Variants in NCAPH observed in about 807,000 individuals in gnomAD.
NCAPH encodes the protein non-SMC condensin I complex subunit H, also known as condensin complex subunit 2.
In NCAPH, 38 loss-of-function variants were observed where a neutral mutation model predicts 85.5. That is an observed-to-expected ratio of 0.44 (90% CI 0.34 to 0.58). NCAPH has a LOEUF of 0.58. Among genes scored for constraint, NCAPH ranks in the 20% least tolerant of loss-of-function variants. The pLI, the probability that NCAPH is intolerant of heterozygous loss-of-function variation, is 0.01. For missense variants in NCAPH, 789 were observed against 916.6 expected, an observed-to-expected ratio of 0.86 and a Z score of 1.80; for synonymous variants, 301 against 335.1, an observed-to-expected ratio of 0.90 and a Z score of 1.11.
At chr2:96,342,602 G>C (rs2064311184) in intron 3 of NCAPH, among the ~76,000 whole-genome samples, 154 bp from the exon 4 acceptor site, 1 of 152,222 alleles carries the variant, frequency 6.6e-6, no homozygotes, top group African/African-American at 2.4e-5. Context: ...TGCCTGTGAG[G>C]ATTTGGCTCT....
In NCAPH at chr2:96,354,275, C is replaced by T. The variant is rs201625728; in HGVS notation, c.1095C>T (p.Pro365=). The change falls in exon 9 of 18, where the codon CCC becomes CCT. Residue 365 remains proline, a synonymous_variant. Transcript: ENST00000240423. ...EVDESDCGDF[P]DGSLGDDFDA... ...ACGAGAGTGACTGTGGAGACTTCCC[C>T]GATGGGTCCCTGGGGGATGACTTTG... 1.8e-5 allele frequency: 29 copies of T among 1,614,046 alleles called. No homozygotes were observed. Among genetic ancestry groups the T allele is most frequent in the Admixed American group, 8.3e-5 (5 of 59,992 alleles).
At position 96,343,270 on chromosome 2, in the gene NCAPH, A is replaced by T. The variant is rs753610650; in HGVS notation, c.561A>T (p.Ala187=). 4.2e-5 allele frequency: 67 copies of T among 1,613,282 alleles called. No individual in the cohort carries two copies. Among genetic ancestry groups the T allele is most frequent in the Non-Finnish European group, 5.5e-5 (65 of 1,179,596 alleles). The change falls in exon 5 of 18, where the codon GCA becomes GCT. Residue 187 remains alanine, a synonymous_variant. Coordinates refer to ENST00000240423, the MANE Select transcript of NCAPH (RefSeq NM_015341.5). ...YRVLGGLGKD[A]PSLEEVEGHV... ...TCCTTGGGGGGCTGGGCAAAGATGC[A>T]CCGTCTTTGGAAGAAGTAGAAGGCC...
chr2:96,375,201 C>G lies in NCAPH; in HGVS notation c.*1850C>G, dbSNP rs1402305864. On this transcript the variant is annotated 3_prime_UTR_variant, in exon 18 of 18. Transcript: ENST00000240423. The stretch of plus-strand genomic sequence containing the variant: ...CCAGCCAGGACAACAGAGTGAGATC[C>G]TATCTCTTAAACAAAAAAAAAAACT... Among the ~76,000 whole-genome samples the G allele has an allele frequency of 6.6e-6, 1 of 151,566 alleles. No individual in the cohort carries two copies. The highest frequency in any genetic ancestry group is 1.9e-4 in the East Asian group (1 of 5,182).
At chr2:96,347,002 T>C (rs2064370746) in intron 6 of NCAPH, among the ~76,000 whole-genome samples, 1 of 152,114 alleles carries the variant, frequency 6.6e-6, no homozygotes, top group African/African-American at 2.4e-5. Context: ...CATAAACTAA[T>C]ACTAAGATCT....
chr2:96,336,264 T>G (rs532242179), intron 1 of NCAPH, among the ~76,000 whole-genome samples: 1 of 152,338 alleles, frequency 6.6e-6, no homozygotes, highest in Admixed American at 6.5e-5. Context: ...TGCATTTATT[T>G]TTGCATCTAT....
rs186187880 is a variant in NCAPH at position 96,345,369 on chromosome 2, G to A, written c.720+1140G>A. On this transcript the variant is annotated intron_variant, in intron 6 of 17. Coordinates refer to ENST00000240423, the MANE Select transcript of NCAPH (RefSeq NM_015341.5). ...GTGCCCAGGACCCAGACCCTGGAAC[G>A]GGGGCATGCTGGCTGGTGCTGGTGT... Among the ~76,000 whole-genome samples the A allele has an allele frequency of 2.3e-3, 357 of 152,298 alleles. 3 individuals carry two copies. The highest frequency in any genetic ancestry group is 7.8e-3 in the African/African-American group (325 of 41,542).
chr2:96,340,026 G>A (rs907479786), intron 1 of NCAPH, among the ~76,000 whole-genome samples: 21 of 152,070 alleles, frequency 1.4e-4, no homozygotes, highest in African/African-American at 3.9e-4. Flanking sequence ...GGGTTCAAGC[G>A]ATTTTCCTGC....
intron 9 of NCAPH, 64 bp downstream of exon 9, chr2:96,354,452 CT>C (rs1183614800): frequency 4.6e-5 from 59 of 1,293,992 alleles, no homozygotes; most frequent in Non-Finnish European, 5.8e-5. Flanking sequence ...TTTTCTTTTT[CT>C]TTTTTTTCTA....
intron 1 of NCAPH, among the ~76,000 whole-genome samples, chr2:96,340,383 CTTTTTTTTTTTT>C (rs908160989): frequency 1.1e-5 from 1 of 91,240 alleles, no homozygotes; most frequent in African/African-American, 4.2e-5. Flanking sequence ...TAATAAGCAT[CTTTTTTTTTTTT>C]TTTTTTTTTT....
Position 96,361,796 on chromosome 2 carries a change from A to G in NCAPH, c.1587+1086A>G, listed in dbSNP as rs1202954771. Among the ~76,000 whole-genome samples the G allele has an allele frequency of 7.9e-5, 9 of 113,624 alleles. No individual in the cohort carries two copies. The East Asian group carries it at 1.3e-3, about 16-fold the overall frequency. 74.5% of individuals were successfully genotyped at this position (113,624 alleles called of 152,430 possible). A position where few individuals can be genotyped will look rare whatever the true frequency, so the allele number is the denominator to read the frequency against. ...TATATATATATACACATATATATGT[A>G]TATATATGTGTATATATATATATAT... On this transcript the variant is annotated intron_variant, in intron 12 of 17. Coordinates refer to ENST00000240423, the MANE Select transcript of NCAPH (RefSeq NM_015341.5).
chr2:96,372,595 C>T (rs796971854), intron 17 of NCAPH, among the ~76,000 whole-genome samples: 56 of 152,270 alleles, frequency 3.7e-4, no homozygotes, highest in African/African-American at 1.3e-3. Flanking sequence ...CATCCTGCCC[C>T]GGATCTGAAC....
intron 12 of NCAPH, among the ~76,000 whole-genome samples, chr2:96,362,040 G>A (rs1317970951): frequency 6.6e-6 from 1 of 151,036 alleles, no homozygotes; most frequent in Admixed American, 6.6e-5. Flanking sequence ...CGTTACACCT[G>A]GCCTCACATT....
chr2:96,356,393 G>A (rs1392997305), intron 9 of NCAPH, among the ~76,000 whole-genome samples: 1 of 152,144 alleles, frequency 6.6e-6, no homozygotes, highest in Non-Finnish European at 1.5e-5. Context: ...AAAATGCAAG[G>A]TTGGGACCAG....
intron 9 of NCAPH, among the ~76,000 whole-genome samples, chr2:96,356,767 C>T (rs1394196779): frequency 6.6e-6 from 1 of 152,164 alleles, no homozygotes; most frequent in Non-Finnish European, 1.5e-5. Context: ...CTGAAAACCA[C>T]TGTACTCTAC....
intron 12 of NCAPH, among the ~76,000 whole-genome samples, chr2:96,362,920 A>G (rs2064646516): frequency 6.6e-6 from 1 of 152,254 alleles, no homozygotes; most frequent in Non-Finnish European, 1.5e-5. Flanking sequence ...GTGTTTGAAA[A>G]GATTGACTTT....
intron 9 of NCAPH, among the ~76,000 whole-genome samples, chr2:96,354,836 G>A (rs1005710983): frequency 2.6e-5 from 4 of 152,184 alleles, no homozygotes; most frequent in South Asian, 2.1e-4. Context: ...AATGTAAAGC[G>A]TTTGGAACAA....
Position 96,369,517 on chromosome 2 carries a change from A to G in NCAPH, c.2166+17A>G, listed in dbSNP as rs1194063831. The G allele has an allele frequency of 3.1e-6, 5 of 1,605,702 alleles. No homozygotes were observed. ...AATGAAAAGGTAGGTAATTAAGGTA[A>G]GCATGGGAGTATTAGAGTATTCCCT... is the stretch of plus-strand genomic sequence containing the variant. On this transcript the variant is annotated intron_variant, in intron 17 of 17. Coordinates refer to ENST00000240423, the MANE Select transcript of NCAPH (RefSeq NM_015341.5).
At chr2:96,345,573 C>T (rs180763083) in intron 6 of NCAPH, among the ~76,000 whole-genome samples, 1 of 152,274 alleles carries the variant, frequency 6.6e-6, no homozygotes, top group Admixed American at 6.5e-5. Flanking sequence ...TCTAGTGCCC[C>T]TACTTGGTAA....
chr2:96,335,998 G>A (rs2064208214), intron 1 of NCAPH, 150 bp downstream of exon 1: 2 of 821,594 alleles, frequency 2.4e-6, no homozygotes, highest in South Asian at 6.3e-5. Context: ...GGCCGGTGCG[G>A]GGGGAGGGGA....
Sources: allele counts gnomAD v4.1 joint callset (sites outside exome capture counted in the v4.1 genomes callset), GRCh38; gene constraint gnomAD v4.1.1; transcripts MANE v1.5; gene names NCBI Gene and HGNC (gene_info 2026-07-23, HGNC 2026-07-21).